The following PPP2R2B variants were observed in gnomAD, a reference collection of about 807,000 sequenced individuals.
The protein encoded by PPP2R2B is serine/threonine-protein phosphatase 2A 55 kDa regulatory subunit B beta isoform.
In PPP2R2B, 5 loss-of-function variants were observed where a neutral mutation model predicts 46.0. That is an observed-to-expected ratio of 0.11 (90% CI 0.06 to 0.23). The LOEUF (loss-of-function observed/expected upper bound fraction) is 0.23, where lower values mean the gene tolerates loss of function less well. PPP2R2B is among the 10% of genes least tolerant of loss of function. The pLI, the probability that PPP2R2B is intolerant of heterozygous loss-of-function variation, is 1.00. For synonymous variants in PPP2R2B, 215 were observed against 206.7 expected (o/e 1.04, Z -0.34); for missense variants, 367 against 575.0 (o/e 0.64, Z 3.70).
At chr5:147,020,522 C>T (rs1240144125) in intron 1 of PPP2R2B, among the ~76,000 whole-genome samples, 2 of 151,878 alleles carry the variant, frequency 1.3e-5, no homozygotes, top group Non-Finnish European at 2.9e-5. Flanking sequence ...AGAAGATAAA[C>T]AAAAAAGTGG....
chr5:147,048,033 T>C (rs1378722230), intron 1 of PPP2R2B, among the ~76,000 whole-genome samples: 1 of 152,164 alleles, frequency 6.6e-6, no homozygotes, highest in Non-Finnish European at 1.5e-5. Context: ...TGGGGCCCAG[T>C]TCCAGGGGAT....
intron 1 of PPP2R2B, among the ~76,000 whole-genome samples, chr5:146,885,667 C>T (rs920570374): frequency 6.6e-6 from 1 of 152,108 alleles, no homozygotes; most frequent in Non-Finnish European, 1.5e-5. Flanking sequence ...AACTTGAACA[C>T]AAATGTTCAT....
At chr5:146,913,205 A>G (rs1355861927) in intron 1 of PPP2R2B, among the ~76,000 whole-genome samples, 1 of 152,236 alleles carries the variant, frequency 6.6e-6, no homozygotes, top group Non-Finnish European at 1.5e-5. Flanking sequence ...AAACAGAAAC[A>G]GTGCCAAATA....
At chr5:146,723,304 T>C (rs1229359577) in intron 2 of PPP2R2B, among the ~76,000 whole-genome samples, 3 of 152,204 alleles carry the variant, frequency 2.0e-5, no homozygotes, top group Admixed American at 1.3e-4. Flanking sequence ...CTCCACACTT[T>C]GTGCTACATC....
intron 2 of PPP2R2B, among the ~76,000 whole-genome samples, chr5:146,790,533 G>A (rs781432615): frequency 1.8e-4 from 27 of 152,104 alleles, no homozygotes; most frequent in African/African-American, 1.2e-4. Context: ...GCTTAATTAC[G>A]CCAGCAAGGC....
chr5:146,927,730 C>T (rs1365906602), intron 1 of PPP2R2B, among the ~76,000 whole-genome samples: 1 of 151,556 alleles, frequency 6.6e-6, no homozygotes, highest in African/African-American at 2.4e-5. Context: ...TGTAGCCATA[C>T]TTTCTTCTTT....
At chr5:146,682,556 C>G (rs1778247534) in intron 5 of PPP2R2B, among the ~76,000 whole-genome samples, 1 of 152,162 alleles carries the variant, frequency 6.6e-6, no homozygotes, top group South Asian at 2.1e-4. Flanking sequence ...CTATAGCTCT[C>G]TAGATCAAAT....
At chr5:146,769,032 C>A (rs140759927) in intron 2 of PPP2R2B, among the ~76,000 whole-genome samples, 1 of 152,126 alleles carries the variant, frequency 6.6e-6, no homozygotes, top group East Asian at 1.9e-4. Flanking sequence ...TATGTGCCAC[C>A]ATGCCTGGCT....
intron 2 of PPP2R2B, among the ~76,000 whole-genome samples, chr5:146,719,303 C>T (rs558521491): frequency 2.8e-4 from 43 of 152,294 alleles, no homozygotes; most frequent in African/African-American, 9.6e-4. Flanking sequence ...TGGTACCTGA[C>T]ACACATAAGC....
intron 2 of PPP2R2B, among the ~76,000 whole-genome samples, chr5:147,071,116 G>A (rs559390966): frequency 3.3e-5 from 5 of 151,976 alleles, no homozygotes; most frequent in Admixed American, 1.3e-4. Flanking sequence ...ATGTCCTTTC[G>A]CTTGACATTG....
intron 1 of PPP2R2B, among the ~76,000 whole-genome samples, chr5:147,045,083 C>A (rs575724434): frequency 6.6e-6 from 1 of 152,280 alleles, no homozygotes; most frequent in Admixed American, 6.5e-5. Flanking sequence ...TAAAGCAGTT[C>A]TATTCAGATA....
At chr5:147,045,040 G>A (rs972766047) in intron 1 of PPP2R2B, among the ~76,000 whole-genome samples, 3 of 152,218 alleles carry the variant, frequency 2.0e-5, no homozygotes, top group African/African-American at 4.8e-5. Context: ...TCTTTGTCTG[G>A]ATGTCAAGAC....
intron 1 of PPP2R2B, among the ~76,000 whole-genome samples, chr5:146,908,854 T>G (rs569442962): frequency 1.5e-4 from 22 of 151,708 alleles, no homozygotes; most frequent in African/African-American, 5.3e-4. Context: ...CAGGCTGGAG[T>G]GCAGTGCCGT....
chr5:146,796,207 C>A (rs941871394), intron 2 of PPP2R2B, among the ~76,000 whole-genome samples: 5 of 152,012 alleles, frequency 3.3e-5, no homozygotes, highest in Non-Finnish European at 5.9e-5. Context: ...TCCAATTGGG[C>A]AATGAAAAAA....
chr5:146,642,155 G>C (rs1173888444), intron 6 of PPP2R2B, among the ~76,000 whole-genome samples: 2 of 152,222 alleles, frequency 1.3e-5, no homozygotes, highest in Non-Finnish European at 2.9e-5. Flanking sequence ...TAGCCAGCTT[G>C]GCAGCTGAGC....
intron 1 of PPP2R2B, among the ~76,000 whole-genome samples, chr5:146,934,266 C>T (rs1764066581): frequency 6.6e-6 from 1 of 151,486 alleles, no homozygotes. Context: ...CACTGACTTC[C>T]ACAATGGTTG....
upstream of PPP2R2B, among the ~76,000 whole-genome samples, chr5:146,881,249 C>T (rs1349866095): frequency 4.6e-5 from 7 of 152,264 alleles, no homozygotes; most frequent in East Asian, 9.6e-4. Context: ...GTCCCTGCTT[C>T]GTTGAGGCAT....
chr5:146,912,387 A>G (rs1425830500), intron 1 of PPP2R2B, among the ~76,000 whole-genome samples: 1 of 152,164 alleles, frequency 6.6e-6, no homozygotes, highest in Non-Finnish European at 1.5e-5. Context: ...AGGTATACAC[A>G]TGAAGAGTAG....
chr5:146,659,083 A>G (rs1776526459), intron 5 of PPP2R2B, among the ~76,000 whole-genome samples: 1 of 152,168 alleles, frequency 6.6e-6, no homozygotes, highest in South Asian at 2.1e-4. Context: ...CAATAAAAAT[A>G]GATGTTTGAA....
Sources: gnomAD v4.1 joint callset for allele counts (sites outside exome capture counted in the v4.1 genomes callset) on GRCh38, gnomAD v4.1.1 for gene constraint, MANE v1.5 for transcripts, NCBI Gene and HGNC (gene_info 2026-07-23, HGNC 2026-07-21) for gene names.